PYY: variants seen among roughly 807,000 people sequenced by gnomAD.
PYY encodes the protein peptide tyrosine tyrosine.
A neutral mutation model predicts 10.3 loss-of-function variants in PYY; 12 were observed. The observed-to-expected ratio is 1.17, with a 90% CI of 0.75 to 1.89. PYY has a LOEUF of 1.89. PYY is among the 40% of genes most tolerant of loss of function. PYY has a pLI of 0.00. For missense variants in PYY, 141 were observed against 134.0 expected (o/e 1.05, Z -0.26); for synonymous variants, 66 against 62.0 (o/e 1.06, Z -0.30).
chr17:43,990,431 T>C (rs1328444915), intron 1 of PYY, among the ~76,000 whole-genome samples: 2 of 115,842 alleles, frequency 1.7e-5, no homozygotes, highest in Non-Finnish European at 3.4e-5. Flanking sequence ...AGAGCGAGAC[T>C]CCATCTCAAA....
intron 1 of PYY, among the ~76,000 whole-genome samples, chr17:43,992,539 C>G (rs774280404): frequency 1.3e-5 from 2 of 151,964 alleles, no homozygotes; most frequent in Non-Finnish European, 2.9e-5. Context: ...GAAACCCCGT[C>G]ACTACTAAAA....
rs760430631 is a variant in PYY, at chr17:43,953,522, T to A, written c.1-39A>T. On this transcript the variant is annotated intron_variant, in intron 1 of 3. Coordinates refer to ENST00000692052, the MANE Select transcript of PYY (RefSeq NM_001394028.1). ...ATTGGGACGTGGGTCATTCCAAGCC[T>A]CGACCCTACACGGCGGGAGGCTGCG... The A allele has an allele frequency of 4.6e-6, 7 of 1,529,062 alleles. No homozygotes were observed. In the East Asian group the frequency reaches 1.6e-4, roughly 35 times the overall value. The allele number at this position is 1,529,062 out of a possible 1,614,324, so 94.7% of individuals were successfully genotyped here.
chr17:43,956,968 G>A (rs2048676226), upstream of PYY, among the ~76,000 whole-genome samples: 1 of 152,122 alleles, frequency 6.6e-6, no homozygotes, highest in African/African-American at 2.4e-5. Flanking sequence ...GGGAGGCCAA[G>A]GTGAGTGGAT....
chr17:43,989,881 TATATATATATATATATATAC>T lies in PYY; in HGVS notation c.-463+14490_-463+14509del, dbSNP rs1378818575. On this transcript the variant is annotated intron_variant, in intron 1 of 6. Coordinates refer to the PYY transcript ENST00000360085. ...ATATATATATATATATATATATATA[TATATATATATATATATATAC>T]ACACAAATCTATAAGTAAGACATTA... Among the ~76,000 whole-genome samples, 27 of 8,344 alleles carry T rather than the reference TATATATATATATATATATAC, an allele frequency of 3.2e-3. 10 individuals are homozygous for T. Among genetic ancestry groups the T allele is most frequent in the African/African-American group, 7.4e-3 (27 of 3,648 alleles). 5.5% of individuals were successfully genotyped at this position (8,344 alleles called of 152,430 possible).
chr17:43,967,281 T>A (rs1161181766), intron 1 of PYY, among the ~76,000 whole-genome samples: 1 of 152,178 alleles, frequency 6.6e-6, no homozygotes, highest in African/African-American at 2.4e-5. Flanking sequence ...CCAGCCTGGA[T>A]GACAGAGTGA....
intron 1 of PYY, among the ~76,000 whole-genome samples, chr17:43,999,695 G>A (rs539643970): frequency 6.6e-6 from 1 of 151,798 alleles, no homozygotes; most frequent in South Asian, 2.1e-4. Context: ...TTGAACCCAG[G>A]AGGCAGAGGT....
intron 1 of PYY, among the ~76,000 whole-genome samples, chr17:44,001,621 T>C (rs542393972): frequency 3.3e-5 from 5 of 152,256 alleles, no homozygotes; most frequent in East Asian, 3.9e-4. Flanking sequence ...CTGGGCCCCA[T>C]TGGCTGCCTG....
At position 43,953,160 on chromosome 17, in the gene PYY, A is replaced by G. The variant is rs61612861; in HGVS notation, c.218T>C (p.Leu73Pro). 9,231 of 1,613,838 alleles carry G rather than the reference A, an allele frequency of 5.7e-3. 445 individuals carry two copies. The African/African-American group carries it at 0.11, about 18-fold the overall frequency. ...GTCGGGGAAGAACGTTTTGGAAAGA[A>G]GCGTGTCCGGGCCGTCTCTTTTCCC... The part of the protein sequence containing the change: ...RYGKRDGPDT[L>P]LSKTFFPDGE... The change falls in exon 3 of 4, where the codon CTT becomes CCT. Residue 73 changes from leucine to proline, a missense_variant. Coordinates refer to ENST00000692052, the MANE Select transcript of PYY (RefSeq NM_001394028.1).
At chr17:43,989,169 T>C (rs1597856828) in intron 1 of PYY, among the ~76,000 whole-genome samples, 2 of 151,672 alleles carry the variant, frequency 1.3e-5, no homozygotes, top group African/African-American at 2.4e-5. Flanking sequence ...GGTCAGGAGA[T>C]CAAGACCATC....
rs1383854672 is a variant in PYY, at chr17:43,975,735, TATATATATATACACACACACACAC to T, written c.-462-9227_-462-9204del. On this transcript the variant is annotated intron_variant, in intron 1 of 6. Coordinates refer to the PYY transcript ENST00000360085. ...ACCCTGAAAAAAAAAAATATATATATATATATATATACACACACACACACATATATATATACACACATATATACA... is the reference window on the plus strand; with the variant it reads ...ACCCTGAAAAAAAAAAATATATATATATATATATATACACACATATATACA... 3.6e-5 allele frequency among the ~76,000 whole-genome samples: 5 copies of T among 140,612 alleles called. 2 individuals carry two copies. Among genetic ancestry groups the T allele is most frequent in the Non-Finnish European group, 7.7e-5 (5 of 65,282 alleles). The allele number at this position is 140,612 out of a possible 152,430, so 92.2% of individuals were successfully genotyped here.
At chr17:43,965,123 T>C (rs775232137) in intron 2 of PYY, among the ~76,000 whole-genome samples, 23 of 150,636 alleles carry the variant, frequency 1.5e-4, no homozygotes, top group Middle Eastern at 3.4e-3. Context: ...AGTCTTTTTT[T>C]TCTTTCCTTT....
intron 1 of PYY, among the ~76,000 whole-genome samples, chr17:43,975,845 CGTGTCT>C (rs369145081): frequency 1.3e-3 from 43 of 32,256 alleles, no homozygotes; most frequent in Non-Finnish European, 2.9e-3. Flanking sequence ...TGTACATACA[CGTGTCT>C]ACGTACGTGT....
intron 1 of PYY, among the ~76,000 whole-genome samples, chr17:43,980,484 G>GT (rs201467595): frequency 0.015 from 2,183 of 146,630 alleles, 10 homozygotes; most frequent in South Asian, 0.031. Flanking sequence ...GTTTTGTTTT[G>GT]TTTTTTTTGA....
chr17:43,956,315 G>T (rs2048671554), upstream of PYY, among the ~76,000 whole-genome samples: 1 of 152,038 alleles, frequency 6.6e-6, no homozygotes. Flanking sequence ...CCAATTACAG[G>T]GCAAGCTGAT....
intron 1 of PYY, among the ~76,000 whole-genome samples, chr17:43,980,464 T>TTTTTG (rs566304431): frequency 7.1e-5 from 10 of 141,234 alleles, no homozygotes; most frequent in East Asian, 2.2e-4. Context: ...ATGCCTGGAC[T>TTTTTG]TTTTGTTTTG....
rs574681789 is a variant in PYY at position 43,996,264 on chromosome 17, T to C, written c.-463+8127A>G. 5.9e-5 allele frequency among the ~76,000 whole-genome samples: 9 copies of C among 152,196 alleles called. No homozygotes were observed. In the East Asian group the frequency reaches 1.7e-3, roughly 29 times the overall value. On this transcript the variant is annotated intron_variant, in intron 1 of 6. Transcript: ENST00000360085. ...CTGCCCAGAGAGACCACTCTGAGAC[T>C]ACGTGGAGAGAGAGAGAGAGATGCT...
At chr17:43,978,702 C>A (rs1466132302) in intron 1 of PYY, among the ~76,000 whole-genome samples, 1 of 152,160 alleles carries the variant, frequency 6.6e-6, no homozygotes, top group Non-Finnish European at 1.5e-5. Context: ...ATAGGACTTG[C>A]CACTTGTAAA....
chr17:44,003,616 C>T (rs1201532128), intron 1 of PYY, among the ~76,000 whole-genome samples: 3 of 137,594 alleles, frequency 2.2e-5, no homozygotes, highest in Admixed American at 1.7e-4. Flanking sequence ...GATCGCAACA[C>T]TGCACTCCAG....
chr17:43,981,052 T>C (rs890112855), intron 1 of PYY, among the ~76,000 whole-genome samples: 7 of 151,536 alleles, frequency 4.6e-5, no homozygotes, highest in African/African-American at 7.3e-5. Flanking sequence ...TTAGTACAGA[T>C]AAGGTCTTGC....
Sources: allele counts gnomAD v4.1 joint callset (sites outside exome capture counted in the v4.1 genomes callset), GRCh38; gene constraint gnomAD v4.1.1; transcripts MANE v1.5; gene names NCBI Gene and HGNC (gene_info 2026-07-23, HGNC 2026-07-21).